The following TNRC6C variants were observed in gnomAD, a reference collection of about 807,000 sequenced individuals.
The protein encoded by TNRC6C is trinucleotide repeat containing adaptor 6C, also known as trinucleotide repeat-containing gene 6C protein.
Under a neutral mutation model 153.7 loss-of-function variants are expected in TNRC6C, and 20 were observed. The ratio of observed to expected loss-of-function variants is 0.13; its 90% confidence interval spans 0.09 to 0.19. The LOEUF (loss-of-function observed/expected upper bound fraction) is 0.19, where lower values mean the gene tolerates loss of function less well. TNRC6C is among the 10% of genes least tolerant of loss of function. The probability of loss-of-function intolerance (pLI) is 1.00; values close to 1 mark genes in which losing one functional copy is unlikely to be tolerated. For synonymous variants in TNRC6C, 811 were observed against 841.4 expected, an observed-to-expected ratio of 0.96 and a Z score of 0.63; for missense variants, 1,987 against 2,172.0, an observed-to-expected ratio of 0.91 and a Z score of 1.69.
chr17:77,971,534 T>C (rs1229388346), intron 1 of TNRC6C, among the ~76,000 whole-genome samples: 1 of 152,174 alleles, frequency 6.6e-6, no homozygotes. Context: ...GCATTTCCAC[T>C]GAACAGATCC....
Position 78,049,612 on chromosome 17 carries a change from C to A in TNRC6C, c.550C>A (p.Pro184Thr). Reference sequence around the variant, plus strand: ...ACCTCAGAACCTTAACACTGATGGACCAAATAACACTAACCCCATGAACTC... The same window carrying A: ...ACCTCAGAACCTTAACACTGATGGAACAAATAACACTAACCCCATGAACTC... The change falls in exon 3 of 20, where the codon CCA becomes ACA. Residue 184 changes from proline to threonine, a missense_variant. Pro to Thr is a conservative substitution (Grantham distance 38). This residue lies in a region of TNRC6C where 1,052 missense variants were observed against 1,017.0 expected (regional missense o/e 1.03). Coordinates refer to ENST00000301624, the Ensembl canonical transcript of TNRC6C. This position sits in a 1 kb window ranked among gnomAD's most constrained non-coding sequence, Gnocchi z 4.1. The A allele has an allele frequency of 6.2e-7, 1 of 1,614,020 alleles. No individual in the cohort carries two copies. The highest frequency in any genetic ancestry group is 8.5e-7 in the Non-Finnish European group (1 of 1,179,892).
At position 78,079,651 on chromosome 17, in the gene TNRC6C, C is replaced by G. The variant is rs1476861618; in HGVS notation, c.3357+110C>G. ...TTTTAAAGTGAGAGCGGAGTTAATC[C>G]ATGTTTAAGAGAAGGCCTTCTGGTT... is the stretch of plus-strand genomic sequence containing the variant. On this transcript the variant is annotated intron_variant, in intron 10 of 19. Transcript: ENST00000301624. This position sits in a 1 kb window ranked among gnomAD's most constrained non-coding sequence, Gnocchi z 4.3. 5 of 1,390,926 alleles carry G rather than the reference C, an allele frequency of 3.6e-6. No individual in the cohort carries two copies. In the African/African-American group the frequency reaches 7.2e-5, roughly 20 times the overall value. 86.2% of individuals were successfully genotyped at this position (1,390,926 alleles called of 1,614,324 possible). A position where few individuals can be genotyped will look rare whatever the true frequency, so the allele number is the denominator to read the frequency against.
In TNRC6C at chr17:78,086,731, A is replaced by G. The variant is rs141871870; in HGVS notation, c.3562-122A>G. On this transcript the variant is annotated intron_variant, in intron 12 of 19. Transcript: ENST00000301624. ...ATTCCTGGGTTCAGCTAGGTTTGGG[A>G]GGAGGTTGGCCTAGCCAGTAGTGGC... 302 of 1,565,510 alleles carry G rather than the reference A, an allele frequency of 1.9e-4. 2 individuals carry two copies. In the African/African-American group the frequency reaches 3.8e-3, roughly 20 times the overall value.
chr17:78,080,530 A>G (rs1394450329), intron 10 of TNRC6C, among the ~76,000 whole-genome samples: 2 of 152,242 alleles, frequency 1.3e-5, no homozygotes, highest in Non-Finnish European at 2.9e-5. Context: ...GGCCTAATAT[A>G]TATCAATTGT....
At position 78,005,097 on chromosome 17, in the gene TNRC6C, TA is replaced by T. The variant is rs2071473373; in HGVS notation, c.-546+19del. 1 of 1,229,920 alleles carries T rather than the reference TA, an allele frequency of 8.1e-7. No individual in the cohort carries two copies. The highest frequency in any genetic ancestry group is 1.0e-6 in the Non-Finnish European group (1 of 986,346). The allele number at this position is 1,229,920 out of a possible 1,614,324, so 76.2% of individuals were successfully genotyped here. ...AACCAAAGGTAAGTTTATTTATATTTAGGGGGGTACATTTATGGCGGTACCA... is the reference window on the plus strand; with the variant it reads ...AACCAAAGGTAAGTTTATTTATATTTGGGGGGTACATTTATGGCGGTACCA... On this transcript the variant is annotated intron_variant, in intron 1 of 19. Transcript: ENST00000301624.
intron 8 of TNRC6C, among the ~76,000 whole-genome samples, chr17:78,076,834 C>T (rs1421901847): frequency 7.9e-5 from 12 of 152,182 alleles, no homozygotes; most frequent in Admixed American, 7.9e-4. Context: ...ACACCTAGAG[C>T]TTTGGTAATA....
chr17:78,101,694 C>T (rs2073598079), intron 17 of TNRC6C, among the ~76,000 whole-genome samples: 1 of 152,090 alleles, frequency 6.6e-6, no homozygotes, highest in South Asian at 2.1e-4. Flanking sequence ...ACAAGTATCC[C>T]TTATGGGAGA....
intron 1 of TNRC6C, among the ~76,000 whole-genome samples, chr17:77,960,806 T>A (rs1387571930): frequency 6.6e-6 from 1 of 152,238 alleles, no homozygotes; most frequent in East Asian, 1.9e-4. Context: ...ACAGGGTTTT[T>A]AAAATGACTA....
chr17:78,084,442 T>C (rs2073240356), intron 11 of TNRC6C, among the ~76,000 whole-genome samples: 1 of 151,688 alleles, frequency 6.6e-6, no homozygotes, highest in Admixed American at 6.6e-5. Flanking sequence ...TAGACACATG[T>C]CCAACAAGTT....
intron 2 of TNRC6C, among the ~76,000 whole-genome samples, chr17:78,041,336 C>T (rs916291678): frequency 6.6e-6 from 1 of 152,102 alleles, no homozygotes; most frequent in Non-Finnish European, 1.5e-5. Flanking sequence ...CAGAGACTTA[C>T]CCATGGCTTT....
At position 78,034,034 on chromosome 17, in the gene TNRC6C, C is replaced by T. The variant is rs537223774; in HGVS notation, c.-219+2192C>T. On this transcript the variant is annotated intron_variant, in intron 2 of 19. Coordinates refer to ENST00000301624, the Ensembl canonical transcript of TNRC6C. Reference sequence around the variant, plus strand: ...AGCCGAGTCTCCCCAACATTTTCCCCGCCTACTCTCCATGGCCTACTTTTT... The same window carrying T: ...AGCCGAGTCTCCCCAACATTTTCCCTGCCTACTCTCCATGGCCTACTTTTT... 2.5e-3 allele frequency among the ~76,000 whole-genome samples: 375 copies of T among 152,260 alleles called. 1 individual carries two copies. The highest frequency in any genetic ancestry group is 4.5e-3 in the Non-Finnish European group (304 of 68,004).
chr17:77,958,713 A>C (rs1181674587), upstream of TNRC6C, among the ~76,000 whole-genome samples: 1 of 151,646 alleles, frequency 6.6e-6, no homozygotes. Flanking sequence ...AGTTAGAGCA[A>C]CAAGATGGCC....
In TNRC6C at chr17:78,050,167, A is replaced by G. The variant is rs767504746; in HGVS notation, c.1105A>G (p.Thr369Ala). Residue 369 changes from threonine to alanine, a missense_variant, in exon 3 of 20, where the codon ACC becomes GCC. Thr to Ala is a moderately conservative substitution (Grantham distance 58, BLOSUM62 0). Transcript: ENST00000301624. ...AACAGGGTGGGAGAGTCCTAGTGTC[A>G]CCAGCCAGAACCCTACCGTACAGCC... 2.0e-5 allele frequency: 31 copies of G among 1,565,420 alleles called. No individual in the cohort carries two copies. In the Middle Eastern group the frequency reaches 5.1e-4, roughly 26 times the overall value.
intron 6 of TNRC6C, among the ~76,000 whole-genome samples, chr17:78,072,256 T>C (rs1198582990): frequency 1.3e-5 from 2 of 152,240 alleles, no homozygotes; most frequent in Non-Finnish European, 2.9e-5. Context: ...TCAGTTATCA[T>C]GGCACCCTAG....
chr17:77,972,568 A>C (rs1327964662), intron 1 of TNRC6C, among the ~76,000 whole-genome samples: 1 of 152,130 alleles, frequency 6.6e-6, no homozygotes, highest in Non-Finnish European at 1.5e-5. Context: ...ATAGCGATTG[A>C]GGTAGGTACC....
chr17:78,079,577 A>G lies in TNRC6C; in HGVS notation c.3357+36A>G, dbSNP rs750310637. On this transcript the variant is annotated intron_variant, in intron 10 of 19. Transcript: ENST00000301624. This position sits in a 1 kb window ranked among gnomAD's most constrained non-coding sequence, Gnocchi z 4.3. ...CATCCAAGCAGGACTGAGCAACAGGATATAGATGCCAGTGTTTCGTGGGGT... is the reference window on the plus strand; with the variant it reads ...CATCCAAGCAGGACTGAGCAACAGGGTATAGATGCCAGTGTTTCGTGGGGT... The G allele has an allele frequency of 6.2e-6, 10 of 1,603,672 alleles. No homozygotes were observed. The highest frequency in any genetic ancestry group is 7.7e-6 in the Non-Finnish European group (9 of 1,171,598).
chr17:78,037,807 T>C (rs1195927576), intron 2 of TNRC6C, among the ~76,000 whole-genome samples: 3 of 152,194 alleles, frequency 2.0e-5, no homozygotes, highest in Non-Finnish European at 2.9e-5. Context: ...TGGAACTTGA[T>C]AGACTAATTC....
intron 5 of TNRC6C, among the ~76,000 whole-genome samples, chr17:78,070,335 A>G (rs1205966845): frequency 3.9e-5 from 6 of 152,260 alleles, no homozygotes; most frequent in Non-Finnish European, 2.9e-5. Context: ...CATATGCTCC[A>G]TGATATAGCT....
chr17:78,026,613 C>T (rs1176831652), intron 1 of TNRC6C, among the ~76,000 whole-genome samples: 1 of 152,166 alleles, frequency 6.6e-6, no homozygotes, highest in Non-Finnish European at 1.5e-5. Flanking sequence ...CTTGCTGAAC[C>T]TCAAAGCTAA....
Sources: gnomAD v4.1 joint callset for allele counts (sites outside exome capture counted in the v4.1 genomes callset) on GRCh38, gnomAD v4.1.1 for gene constraint, gnomAD v4.1.1 regional missense constraint, Gnocchi (gnomAD v3.1) non-coding constraint, MANE v1.5 for transcripts, NCBI Gene and HGNC (gene_info 2026-07-23, HGNC 2026-07-21) for gene names.